The following HIKESHI variants were observed in gnomAD, a reference collection of about 807,000 sequenced individuals.
HIKESHI encodes the protein protein Hikeshi.
HIKESHI carries 13 observed loss-of-function variants against 25.7 expected under a neutral mutation model. The observed-to-expected ratio is 0.51, with a 90% CI of 0.33 to 0.80. The LOEUF (loss-of-function observed/expected upper bound fraction) is 0.80. HIKESHI is among the 30% of genes least tolerant of loss of function. The pLI, the probability that HIKESHI is intolerant of heterozygous loss-of-function variation, is 0.02. For missense variants in HIKESHI, 174 were observed against 229.5 expected, an observed-to-expected ratio of 0.76 and a Z score of 1.56; for synonymous variants, 76 against 78.7, an observed-to-expected ratio of 0.97 and a Z score of 0.18.
rs900904934 is a variant in HIKESHI at position 86,345,752 on chromosome 11, T to A, written c.*114T>A. ...ACGAAACCTAAGTTTAAAAACTGCTTAGAGACTGAAGCTTAATTAAAAATC... is the reference window on the plus strand; with the variant it reads ...ACGAAACCTAAGTTTAAAAACTGCTAAGAGACTGAAGCTTAATTAAAAATC... On this transcript the variant is annotated 3_prime_UTR_variant, in exon 5 of 5. Coordinates refer to ENST00000278483, the MANE Select transcript of HIKESHI (RefSeq NM_016401.4). 4.3e-5 allele frequency: 21 copies of A among 488,290 alleles called. No homozygotes were observed. The South Asian group carries it at 5.6e-4, about 13-fold the overall frequency. The allele number at this position is 488,290 out of a possible 1,614,324, so 30.2% of individuals were successfully genotyped here. A position where few individuals can be genotyped will look rare whatever the true frequency, so the allele number is the denominator to read the frequency against.
intron 2 of HIKESHI, among the ~76,000 whole-genome samples, chr11:86,336,490 C>T (rs562344596): frequency 3.9e-5 from 6 of 152,110 alleles, no homozygotes; most frequent in East Asian, 3.9e-4. Context: ...CCTACTACCA[C>T]GTGAGAACAC....
chr11:86,332,254 G>A (rs1002829356), intron 2 of HIKESHI, among the ~76,000 whole-genome samples: 39 of 151,966 alleles, frequency 2.6e-4, no homozygotes, highest in African/African-American at 7.5e-4. Flanking sequence ...GTGAGCCACC[G>A]TGCCCGGCCC....
intron 2 of HIKESHI, among the ~76,000 whole-genome samples, chr11:86,317,571 G>A (rs764299624): frequency 2.9e-4 from 44 of 152,110 alleles, no homozygotes; most frequent in Non-Finnish European, 5.1e-4. Flanking sequence ...TTGGGAGGCC[G>A]AGGCAGGTGG....
At chr11:86,327,047 T>G (rs1172482771) in intron 2 of HIKESHI, among the ~76,000 whole-genome samples, 1 of 152,098 alleles carries the variant, frequency 6.6e-6, no homozygotes, top group Non-Finnish European at 1.5e-5. Context: ...GTCAACATAG[T>G]GAGATCTCTT....
intron 2 of HIKESHI, among the ~76,000 whole-genome samples, chr11:86,316,195 A>G (rs1157111886): frequency 2.0e-5 from 3 of 151,238 alleles, no homozygotes; most frequent in Non-Finnish European, 4.4e-5. Context: ...AAAACAGTCC[A>G]CTAGAATGTA....
intron 2 of HIKESHI, among the ~76,000 whole-genome samples, chr11:86,310,611 G>C (rs919878854): frequency 3.9e-5 from 6 of 152,100 alleles, no homozygotes; most frequent in Admixed American, 1.3e-4. Context: ...TGAATAGGAG[G>C]GGTGAGAGAG....
rs551245296 is a variant in HIKESHI, at chr11:86,327,247, A to G, written c.269-10132A>G. Among the ~76,000 whole-genome samples the G allele has an allele frequency of 6.6e-4, 100 of 152,142 alleles. 1 individual carries two copies. The highest frequency in any genetic ancestry group is 2.3e-3 in the African/African-American group (97 of 41,526). ...GTGTAATGCAGTGTTCTAGGTTTTC[A>G]TATGTATTATATATTTATCTTTCAC... On this transcript the variant is annotated intron_variant, in intron 2 of 4. Transcript: ENST00000278483.
chr11:86,302,314 C>T lies in HIKESHI; in HGVS notation c.-135C>T, dbSNP rs1946514360. The T allele has an allele frequency of 2.8e-6, 3 of 1,056,772 alleles. No individual in the cohort carries two copies. The highest frequency in any genetic ancestry group is 4.1e-5 in the Admixed American group (2 of 49,234). The allele number at this position is 1,056,772 out of a possible 1,614,324, so 65.5% of individuals were successfully genotyped here. A position where few individuals can be genotyped will look rare whatever the true frequency, so the allele number is the denominator to read the frequency against. On this transcript the variant is annotated 5_prime_UTR_variant, in exon 1 of 5. Coordinates refer to ENST00000278483, the MANE Select transcript of HIKESHI (RefSeq NM_016401.4). ...GGCAGAGGCATTCTTGCCGCTGGCC[C>T]AGTCACTATGTAGTGGAGGGGCAGA...
chr11:86,324,323 A>T (rs757139185), intron 2 of HIKESHI: 1 of 152,210 alleles, frequency 6.6e-6, no homozygotes, highest in Non-Finnish European at 1.5e-5. Context: ...TTGGCTTTTT[A>T]AAAAATAAAT....
intron 2 of HIKESHI, among the ~76,000 whole-genome samples, chr11:86,316,313 ACCAGCCTGG>A (rs1237457225): frequency 1.3e-5 from 2 of 151,338 alleles, no homozygotes; most frequent in East Asian, 3.9e-4. Flanking sequence ...GAAGTTCAAG[ACCAGCCTGG>A]CCAACATTGT....
intron 1 of HIKESHI, 146 bp downstream of exon 1, chr11:86,302,624 C>G: frequency 2.4e-6 from 2 of 838,262 alleles, no homozygotes; most frequent in Non-Finnish European, 3.7e-6. Flanking sequence ...GCGTGGGAAG[C>G]TGGGTGCTCT....
intron 2 of HIKESHI, among the ~76,000 whole-genome samples, chr11:86,325,542 T>C (rs1947257310): frequency 6.6e-6 from 1 of 152,098 alleles, no homozygotes; most frequent in Non-Finnish European, 1.5e-5. Context: ...ACTTTTTTTT[T>C]TTGGAACATG....
intron 3 of HIKESHI, among the ~76,000 whole-genome samples, chr11:86,338,389 ATATGGAGGTGTTCACTT>A (rs146837404): frequency 0.032 from 4,934 of 152,284 alleles, 259 homozygotes; most frequent in African/African-American, 0.11. Context: ...ATAGCAGCAT[ATATGGAGGTGTTCACTT>A]TAGACAGGAT....
chr11:86,322,403 A>ATG (rs527336471), intron 2 of HIKESHI, among the ~76,000 whole-genome samples: 85 of 151,822 alleles, frequency 5.6e-4, no homozygotes, highest in African/African-American at 2.0e-3. Context: ...AGAGTTCTAT[A>ATG]TGTGTGTGTG....
chr11:86,320,851 C>CT (rs532707693), intron 2 of HIKESHI, among the ~76,000 whole-genome samples: 3 of 151,880 alleles, frequency 2.0e-5, no homozygotes, highest in African/African-American at 7.3e-5. Flanking sequence ...AGTATGCATT[C>CT]TTTTTTTTGT....
At chr11:86,338,988 CTT>C (rs1371435916) in intron 3 of HIKESHI, among the ~76,000 whole-genome samples, 1 of 152,066 alleles carries the variant, frequency 6.6e-6, no homozygotes, top group African/African-American at 2.4e-5. Context: ...AATAGAGTAA[CTT>C]ATATTTTCCA....
At chr11:86,321,292 T>A (rs1565730521) in intron 2 of HIKESHI, among the ~76,000 whole-genome samples, 1 of 152,158 alleles carries the variant, frequency 6.6e-6, no homozygotes, top group African/African-American at 2.4e-5. Context: ...TATTCCATTG[T>A]ATGGATATGC....
intron 2 of HIKESHI, among the ~76,000 whole-genome samples, chr11:86,309,679 T>C (rs981649545): frequency 6.6e-6 from 1 of 152,242 alleles, no homozygotes; most frequent in African/African-American, 2.4e-5. Context: ...GCATAGGTTT[T>C]CTTTTAGGGT....
intron 2 of HIKESHI, among the ~76,000 whole-genome samples, chr11:86,308,637 G>T (rs1318980862): frequency 1.3e-5 from 2 of 150,676 alleles, no homozygotes; most frequent in Non-Finnish European, 2.9e-5. Context: ...CATTACATAT[G>T]TATACATGTG....
Sources: gnomAD v4.1 joint callset for allele counts (sites outside exome capture counted in the v4.1 genomes callset) on GRCh38, gnomAD v4.1.1 for gene constraint, MANE v1.5 for transcripts, NCBI Gene and HGNC (gene_info 2026-07-23, HGNC 2026-07-21) for gene names.